Variants in LPP observed in about 807,000 individuals in gnomAD.
LPP encodes lipoma-preferred partner.
Under a neutral mutation model 60.4 loss-of-function variants are expected in LPP, and 38 were observed. The ratio of observed to expected loss-of-function variants is 0.63; its 90% CI spans 0.49 to 0.83. The LOEUF is 0.83. Ranked by LOEUF, LPP falls within the 40% of genes least tolerant of loss-of-function variation. LPP has a pLI of 0.00. For synonymous variants in LPP, 328 were observed against 290.8 expected, an observed-to-expected ratio of 1.13 and a Z score of -1.30; for missense variants, 902 against 783.6, an observed-to-expected ratio of 1.15 and a Z score of -1.80.
intron 2 of LPP, among the ~76,000 whole-genome samples, chr3:188,252,735 G>A (rs1366731853): frequency 6.6e-6 from 1 of 152,034 alleles, no homozygotes; most frequent in Non-Finnish European, 1.5e-5. Flanking sequence ...TGAGTTTTTT[G>A]TGAGTTACCT....
chr3:188,477,497 A>T (rs1225059578), intron 4 of LPP, among the ~76,000 whole-genome samples: 1 of 152,188 alleles, frequency 6.6e-6, no homozygotes, highest in Non-Finnish European at 1.5e-5. Flanking sequence ...AGTGCACTGT[A>T]AATAGGTTGA....
At chr3:188,720,780 A>AT (rs1299029500) in intron 8 of LPP, among the ~76,000 whole-genome samples, 2 of 152,184 alleles carry the variant, frequency 1.3e-5, no homozygotes, top group African/African-American at 4.8e-5. Flanking sequence ...AGGTTTGACC[A>AT]TCAAACTTTG....
intron 4 of LPP, among the ~76,000 whole-genome samples, chr3:188,418,670 G>A (rs1361236101): frequency 2.6e-5 from 4 of 152,104 alleles, no homozygotes; most frequent in Non-Finnish European, 5.9e-5. Flanking sequence ...CAAATAATGT[G>A]TGAAAATTGC....
chr3:188,717,895 A>ACAAACTC (rs1220367455), intron 8 of LPP, among the ~76,000 whole-genome samples: 4 of 152,022 alleles, frequency 2.6e-5, no homozygotes, highest in African/African-American at 9.7e-5. Context: ...TCGGTGCACC[A>ACAAACTC]CAAACTCCAC....
At chr3:188,406,759 C>T (rs1783593804) in intron 4 of LPP, among the ~76,000 whole-genome samples, 1 of 152,202 alleles carries the variant, frequency 6.6e-6, no homozygotes, top group Non-Finnish European at 1.5e-5. Context: ...GAATTGTTTA[C>T]CTCCTCTGGC....
chr3:188,346,118 A>G (rs979989875), intron 3 of LPP, among the ~76,000 whole-genome samples: 2 of 152,066 alleles, frequency 1.3e-5, no homozygotes, highest in Non-Finnish European at 2.9e-5. Flanking sequence ...TGAGATGGTC[A>G]TCATTATAAG....
chr3:188,397,674 C>T (rs936968593), intron 3 of LPP, among the ~76,000 whole-genome samples: 10 of 151,348 alleles, frequency 6.6e-5, no homozygotes, highest in East Asian at 1.9e-4. Context: ...AGTGCAGTGG[C>T]GCGATCTCGG....
chr3:188,459,510 G>A (rs548949401), intron 4 of LPP, among the ~76,000 whole-genome samples: 2 of 152,198 alleles, frequency 1.3e-5, no homozygotes, highest in East Asian at 1.9e-4. Flanking sequence ...ATTAATAGGA[G>A]GGAGGAAGAA....
chr3:188,604,236 A>T lies in LPP; in HGVS notation c.430-4925A>T, dbSNP rs770792201. Among the ~76,000 whole-genome samples the T allele has an allele frequency of 8.5e-5, 13 of 152,258 alleles. No homozygotes were observed. The South Asian group carries it at 2.7e-3, about 32-fold the overall frequency. On this transcript the variant is annotated intron_variant, in intron 6 of 11. Transcript: ENST00000617246. ...CATAGTAGACTTTCAATAAATTTCT[A>T]TTGAATAAATAATTTGGATTGAATT...
At position 188,667,477 on chromosome 3, in the gene LPP, CA is replaced by C. The variant is rs558923211; in HGVS notation, c.1114-40778del. On this transcript the variant is annotated intron_variant, in intron 7 of 11. Coordinates refer to ENST00000617246, the MANE Select transcript of LPP (RefSeq NM_001375462.1). Reference sequence around the variant, plus strand: ...TGGGTGACAGAGCGATACTCTGTCTCAAAAAAAAAAAACATCTTTGGTAGCA... The same window carrying C: ...TGGGTGACAGAGCGATACTCTGTCTCAAAAAAAAAAACATCTTTGGTAGCA... Among the ~76,000 whole-genome samples, 68 of 139,300 alleles carry C rather than the reference CA, an allele frequency of 4.9e-4. 1 individual carries two copies. Among genetic ancestry groups the C allele is most frequent in the Middle Eastern group, 3.7e-3 (1 of 270 alleles). The allele number at this position is 139,300 out of a possible 152,430, so 91.4% of individuals were successfully genotyped here. A position where few individuals can be genotyped will look rare whatever the true frequency, so the allele number is the denominator to read the frequency against.
At chr3:188,223,053 C>T (rs1307404244) in intron 1 of LPP, among the ~76,000 whole-genome samples, 2 of 152,172 alleles carry the variant, frequency 1.3e-5, no homozygotes, top group Admixed American at 6.6e-5. Context: ...GAATTTGTCG[C>T]TGACCAGGGA....
At chr3:188,760,431 T>TGTGTGTGTG in intron 9 of LPP, 149 bp downstream of exon 9, 1 of 735,204 alleles carries the variant, frequency 1.4e-6, no homozygotes, top group Non-Finnish European at 2.2e-6. Flanking sequence ...TGTGTGTGTG[T>TGTGTGTGTG]GTGTGCGTGC....
chr3:188,391,956 A>G (rs554127756), intron 3 of LPP, among the ~76,000 whole-genome samples: 12 of 152,170 alleles, frequency 7.9e-5, no homozygotes, highest in Non-Finnish European at 1.5e-4. Context: ...TTCAAATATC[A>G]AGCCAATTAC....
intron 6 of LPP, among the ~76,000 whole-genome samples, chr3:188,587,514 T>C (rs1837736636): frequency 6.6e-6 from 1 of 152,208 alleles, no homozygotes; most frequent in South Asian, 2.1e-4. Flanking sequence ...ATAATGCATC[T>C]TTAATTAAAT....
chr3:188,467,399 A>G (rs1800753179), intron 4 of LPP, among the ~76,000 whole-genome samples: 1 of 152,118 alleles, frequency 6.6e-6, no homozygotes, highest in African/African-American at 2.4e-5. Context: ...TCTTGTCTAT[A>G]CTTGTCCTTG....
intron 7 of LPP, among the ~76,000 whole-genome samples, chr3:188,687,156 T>C (rs369295606): frequency 8.5e-5 from 13 of 152,326 alleles, no homozygotes; most frequent in East Asian, 3.8e-4. Context: ...TTCCAGGTAA[T>C]GGAGATCATC....
Position 188,874,567 on chromosome 3 carries a change from A to G in LPP, c.*88A>G. 1.4e-6 allele frequency: 2 copies of G among 1,429,380 alleles called. No homozygotes were observed. Among genetic ancestry groups the G allele is most frequent in the Admixed American group, 1.9e-5 (1 of 51,788 alleles). The allele number at this position is 1,429,380 out of a possible 1,614,324, so 88.5% of individuals were successfully genotyped here. ...AGAGTAAAGGCCATCAAACTACGCG[A>G]TAGTCTCTGTTCTTCATCTGCTATT... On this transcript the variant is annotated 3_prime_UTR_variant, in exon 12 of 12. Transcript: ENST00000617246.
chr3:188,398,501 A>G (rs1170585291), intron 3 of LPP, among the ~76,000 whole-genome samples: 1 of 152,228 alleles, frequency 6.6e-6, no homozygotes, highest in Non-Finnish European at 1.5e-5. Context: ...CTGTCCATGC[A>G]GAGAGTGGGG....
chr3:188,574,587 T>G (rs544608503), intron 6 of LPP, among the ~76,000 whole-genome samples: 1 of 152,320 alleles, frequency 6.6e-6, no homozygotes, highest in South Asian at 2.1e-4. Flanking sequence ...CTTTTTTGTG[T>G]GTGCATGTTC....
Sources: allele counts gnomAD v4.1 joint callset (sites outside exome capture counted in the v4.1 genomes callset), GRCh38; gene constraint gnomAD v4.1.1; transcripts MANE v1.5; gene names NCBI Gene and HGNC (gene_info 2026-07-23, HGNC 2026-07-21).